The following RELN variants were observed in gnomAD, a reference collection of about 807,000 sequenced individuals.
The protein encoded by RELN is reelin.
RELN carries 108 observed loss-of-function variants against 427.6 expected under a neutral mutation model. The ratio of observed to expected loss-of-function variants is 0.25; its 90% CI spans 0.22 to 0.30. The LOEUF (loss-of-function observed/expected upper bound fraction) is 0.30, where lower values mean the gene tolerates loss of function less well. Ranked by LOEUF, RELN falls within the 10% of genes least tolerant of loss-of-function variation. RELN has a pLI of 1.00. For synonymous variants in RELN, 1,524 were observed against 1,513.4 expected, an observed-to-expected ratio of 1.01 and a Z score of -0.16; for missense variants, 3,715 against 4,302.8, an observed-to-expected ratio of 0.86 and a Z score of 3.82.
At chr7:103,914,735 G>A (rs896300413) in intron 2 of RELN, among the ~76,000 whole-genome samples, 1 of 152,034 alleles carries the variant, frequency 6.6e-6, no homozygotes, top group Admixed American at 6.6e-5. Context: ...GATGAATACT[G>A]CATCTACAAG....
intron 24 of RELN, among the ~76,000 whole-genome samples, chr7:103,600,989 A>G (rs1183646620): frequency 6.6e-6 from 1 of 152,186 alleles, no homozygotes; most frequent in Non-Finnish European, 1.5e-5. Context: ...AGATACAGAC[A>G]GTTGTTATAA....
chr7:103,802,282 T>C (rs1792486750), intron 3 of RELN, among the ~76,000 whole-genome samples: 1 of 152,170 alleles, frequency 6.6e-6, no homozygotes, highest in East Asian at 1.9e-4. Context: ...TGCTAAAGTT[T>C]ATCATTTTCA....
intron 20 of RELN, among the ~76,000 whole-genome samples, chr7:103,614,136 G>T (rs945083620): frequency 6.6e-6 from 1 of 152,096 alleles, no homozygotes; most frequent in African/African-American, 2.4e-5. Context: ...TAAAAATTAC[G>T]TAAAATAATA....
intron 2 of RELN, among the ~76,000 whole-genome samples, chr7:103,867,375 TA>T (rs34552560): frequency 9.1e-4 from 132 of 144,302 alleles, no homozygotes; most frequent in Middle Eastern, 3.5e-3. Flanking sequence ...ATTGCCTCAC[TA>T]AAAAAAAAAA....
chr7:103,582,472 T>C (rs944328819), intron 28 of RELN, among the ~76,000 whole-genome samples: 2 of 152,208 alleles, frequency 1.3e-5, no homozygotes, highest in African/African-American at 4.8e-5. Context: ...TAAGGACAAA[T>C]AAATTACTTA....
chr7:103,612,583 G>A (rs1248540531), intron 20 of RELN, among the ~76,000 whole-genome samples: 1 of 152,070 alleles, frequency 6.6e-6, no homozygotes, highest in East Asian at 1.9e-4. Context: ...CCTGAAATAA[G>A]TCTTAAAAAG....
chr7:103,808,837 GA>G (rs1205854203), intron 3 of RELN, among the ~76,000 whole-genome samples: 1 of 151,924 alleles, frequency 6.6e-6, no homozygotes, highest in East Asian at 1.9e-4. Flanking sequence ...AGGCATTCCA[GA>G]AAAAAGAGAA....
chr7:103,870,548 T>C (rs1483660762), intron 2 of RELN, among the ~76,000 whole-genome samples: 1 of 152,094 alleles, frequency 6.6e-6, no homozygotes, highest in African/African-American at 2.4e-5. Context: ...TATCAAGTAC[T>C]GGTAATTCTA....
At chr7:103,676,260 G>A (rs541832583) in intron 11 of RELN, among the ~76,000 whole-genome samples, 2,859 of 152,082 alleles carry the variant, frequency 0.019, 110 homozygotes, top group African/African-American at 0.066. Context: ...AAAAGAAGAT[G>A]TTTATGCAGC....
intron 4 of RELN, among the ~76,000 whole-genome samples, chr7:103,770,365 T>C (rs935779560): frequency 6.6e-6 from 1 of 152,226 alleles, no homozygotes; most frequent in Non-Finnish European, 1.5e-5. Flanking sequence ...ATTACAGGCA[T>C]GAGCCACCGC....
At chr7:103,771,113 C>T (rs575462093) in intron 4 of RELN, among the ~76,000 whole-genome samples, 1 of 151,806 alleles carries the variant, frequency 6.6e-6, no homozygotes, top group African/African-American at 2.4e-5. Context: ...GGTGGGGTTT[C>T]ACTATGTTGG....
intron 11 of RELN, among the ~76,000 whole-genome samples, chr7:103,663,265 G>A (rs1440155641): frequency 1.3e-5 from 2 of 152,016 alleles, no homozygotes; most frequent in South Asian, 2.1e-4. Context: ...TTCCTGATAT[G>A]TCAGCTCCTA....
At chr7:103,943,213 A>C (rs962404119) in intron 1 of RELN, among the ~76,000 whole-genome samples, 4 of 152,154 alleles carry the variant, frequency 2.6e-5, no homozygotes, top group Non-Finnish European at 4.4e-5. Flanking sequence ...AAAGAAGGCA[A>C]GTTTAGCCTT....
chr7:103,937,768 T>A (rs1252020182), intron 1 of RELN, among the ~76,000 whole-genome samples: 1 of 152,116 alleles, frequency 6.6e-6, no homozygotes, highest in Non-Finnish European at 1.5e-5. Context: ...TTAAAACAAA[T>A]ATGTTAAAAT....
chr7:103,733,245 A>G (rs568941123), intron 6 of RELN, among the ~76,000 whole-genome samples: 37 of 151,802 alleles, frequency 2.4e-4, no homozygotes, highest in African/African-American at 8.9e-4. Flanking sequence ...ATGAGATACC[A>G]TCTCACACCA....
At chr7:103,940,046 T>G (rs974220159) in intron 1 of RELN, among the ~76,000 whole-genome samples, 1 of 152,226 alleles carries the variant, frequency 6.6e-6, no homozygotes, top group Non-Finnish European at 1.5e-5. Context: ...ATGATATACA[T>G]TAAGAAGCCA....
At position 103,484,063 on chromosome 7, in the gene RELN, A is replaced by G. The variant is rs1828339398; in HGVS notation, c.9984-213T>C. ...CCTGGCTAATTTTTGTATTTTTAGT[A>G]TAGACGGGGTTTTGACATGTTGTCC... is the stretch of plus-strand genomic sequence containing the variant. On this transcript the variant is annotated intron_variant, in intron 61 of 64. Coordinates refer to ENST00000428762, the MANE Select transcript of RELN (RefSeq NM_005045.4). The G allele has an allele frequency of 1.8e-5, 10 of 559,236 alleles. No individual in the cohort carries two copies. In the South Asian group the frequency reaches 1.9e-4, roughly 10 times the overall value. The allele number at this position is 559,236 out of a possible 1,614,324, so 34.6% of individuals were successfully genotyped here. A position where few individuals can be genotyped will look rare whatever the true frequency, so the allele number is the denominator to read the frequency against.
chr7:103,800,323 G>A (rs1164937004), intron 3 of RELN, among the ~76,000 whole-genome samples: 5 of 152,088 alleles, frequency 3.3e-5, no homozygotes, highest in African/African-American at 9.7e-5. Context: ...AAAAATCAAA[G>A]CATTCTTATA....
intron 14 of RELN, among the ~76,000 whole-genome samples, chr7:103,652,198 G>A (rs1238548664): frequency 6.7e-6 from 1 of 150,016 alleles, no homozygotes; most frequent in African/African-American, 2.5e-5. Flanking sequence ...TGATTTCCAT[G>A]CTTATTATTA....
Sources: allele counts gnomAD v4.1 joint callset (sites outside exome capture counted in the v4.1 genomes callset), GRCh38; gene constraint gnomAD v4.1.1; transcripts MANE v1.5; gene names NCBI Gene and HGNC (gene_info 2026-07-23, HGNC 2026-07-21).